Variants in RFPL4A observed in about 807,000 individuals in gnomAD.
RFPL4A encodes the protein ret finger protein like 4A.
A neutral mutation model predicts 8.3 loss-of-function variants in RFPL4A; 4 were observed. The observed-to-expected ratio is 0.48, with a 90% CI of 0.24 to 1.10. The LOEUF is 1.10. Ranked by LOEUF, RFPL4A falls within the 50% of genes least tolerant of loss-of-function variation. The pLI is 0.18. For missense variants in RFPL4A, 111 were observed against 358.7 expected (o/e 0.31, Z 5.58); for synonymous variants, 43 against 136.6 (o/e 0.31, Z 4.78).
At chr19:55,762,427 T>C (rs1989304719) in intron 2 of RFPL4A, among the ~76,000 whole-genome samples, 171 bp from the exon 3 acceptor site, 1 of 151,678 alleles carries the variant, frequency 6.6e-6, no homozygotes, top group Admixed American at 6.6e-5. Context: ...AACCTATAGA[T>C]ACAATTTAAC....
chr19:55,761,437 C>G lies in RFPL4A; in HGVS notation c.-9-355C>G, dbSNP rs375610307. Among the ~76,000 whole-genome samples the G allele has an allele frequency of 1.7e-5, 2 of 114,612 alleles. 1 individual carries two copies. Among genetic ancestry groups the G allele is most frequent in the African/African-American group, 6.0e-5 (2 of 33,066 alleles). The allele number at this position is 114,612 out of a possible 152,430, so 75.2% of individuals were successfully genotyped here. A position where few individuals can be genotyped will look rare whatever the true frequency, so the allele number is the denominator to read the frequency against. On this transcript the variant is annotated intron_variant, in intron 1 of 2. Coordinates refer to ENST00000434937, the MANE Select transcript of RFPL4A (RefSeq NM_001145014.2). ...CCCATTATGTCTTCAAAAATAAGAG[C>G]GTATTTGGCTCACAGCACATCTCCA...
In RFPL4A at chr19:55,762,848, G is replaced by T. The variant is rs114470138; in HGVS notation, c.537G>T (p.Val179=). 0.032 allele frequency: 45,917 copies of T among 1,449,212 alleles called. 8,806 individuals are homozygous for T. The highest frequency in any genetic ancestry group is 0.072 in the Middle Eastern group (414 of 5,752). 89.8% of individuals were successfully genotyped at this position (1,449,212 alleles called of 1,614,324 possible). A position where few individuals can be genotyped will look rare whatever the true frequency, so the allele number is the denominator to read the frequency against. ...CTGTGAACCGACAGGGGAAGATTGTGCTTTCTTCAGAACACGGCTTCTTGA... is the reference window on the plus strand; with the variant it reads ...CTGTGAACCGACAGGGGAAGATTGTTCTTTCTTCAGAACACGGCTTCTTGA... ...KESVNRQGKI[V]LSSEHGFLTV... Residue 179 remains valine (V), a synonymous_variant, in exon 3 of 3, where the codon GTG becomes GTT. Transcript: ENST00000434937.
At chr19:55,760,023 T>C (rs1047982306) in intron 1 of RFPL4A, among the ~76,000 whole-genome samples, 4 of 151,764 alleles carry the variant, frequency 2.6e-5, no homozygotes, top group Admixed American at 1.3e-4. Context: ...CAGATGTCTC[T>C]TTGACATGCT....
intron 2 of RFPL4A, among the ~76,000 whole-genome samples, 198 bp downstream of exon 2, chr19:55,762,284 A>C (rs1989301475): frequency 1.3e-5 from 2 of 150,736 alleles, no homozygotes; most frequent in African/African-American, 5.0e-5. Flanking sequence ...TTTGGAGAGC[A>C]AGCTCCTGTC....
chr19:55,760,627 T>A (rs1009106190), intron 1 of RFPL4A, among the ~76,000 whole-genome samples: 1 of 151,472 alleles, frequency 6.6e-6, no homozygotes, highest in African/African-American at 2.4e-5. Context: ...GCAGAATGTG[T>A]GATTTAGTGT....
chr19:55,760,247 T>C lies in RFPL4A; in HGVS notation c.-10+1072T>C, dbSNP rs183008724. 5.3e-5 allele frequency among the ~76,000 whole-genome samples: 8 copies of C among 151,682 alleles called. 1 individual carries two copies. In the East Asian group the frequency reaches 1.6e-3, roughly 30 times the overall value. On this transcript the variant is annotated intron_variant, in intron 1 of 2. Coordinates refer to ENST00000434937, the MANE Select transcript of RFPL4A (RefSeq NM_001145014.2). Reference sequence around the variant, plus strand: ...CATAGCCATCCTAGCAGAGAGGGGTTAATATCTCATCGCGGTTTTGTTGCT... The same window carrying C: ...CATAGCCATCCTAGCAGAGAGGGGTCAATATCTCATCGCGGTTTTGTTGCT...
At chr19:55,757,670 C>G (rs1453205218), upstream of RFPL4A, among the ~76,000 whole-genome samples, 1 of 152,080 alleles carries the variant, frequency 6.6e-6, no homozygotes, top group Non-Finnish European at 1.5e-5. Flanking sequence ...AAGTATCTAA[C>G]ACCCAAACCA....
chr19:55,759,699 A>ATTTTTTTTTTT (rs1568614250), intron 1 of RFPL4A, among the ~76,000 whole-genome samples: 1 of 151,314 alleles, frequency 6.6e-6, no homozygotes, highest in East Asian at 2.0e-4. Context: ...TATTTCTTTA[A>ATTTTTTTTTTT]TTGTTTTGAG....
rs548929578 is a variant in RFPL4A, at chr19:55,760,246, T to G, written c.-10+1071T>G. On this transcript the variant is annotated intron_variant, in intron 1 of 2. Coordinates refer to ENST00000434937, the MANE Select transcript of RFPL4A (RefSeq NM_001145014.2). ...TCATAGCCATCCTAGCAGAGAGGGG[T>G]TAATATCTCATCGCGGTTTTGTTGC... Among the ~76,000 whole-genome samples the G allele has an allele frequency of 3.2e-3, 480 of 151,362 alleles. 9 individuals are homozygous for G. The highest frequency in any genetic ancestry group is 0.01 in the African/African-American group (415 of 41,050).
At chr19:55,757,913 A>G (rs1412304234), upstream of RFPL4A, among the ~76,000 whole-genome samples, 1 of 152,090 alleles carries the variant, frequency 6.6e-6, no homozygotes, top group Admixed American at 6.5e-5. Context: ...ATAAAAATTA[A>G]AAGATGTGAG....
chr19:55,760,649 C>T (rs527981450), intron 1 of RFPL4A, among the ~76,000 whole-genome samples: 6 of 151,662 alleles, frequency 4.0e-5, no homozygotes, highest in East Asian at 2.0e-4. Context: ...ATAATGACCA[C>T]GGTCATTACT....
At chr19:55,760,032 C>G (rs1475190391) in intron 1 of RFPL4A, among the ~76,000 whole-genome samples, 1 of 151,646 alleles carries the variant, frequency 6.6e-6, no homozygotes, top group Non-Finnish European at 1.5e-5. Flanking sequence ...CTTTGACATG[C>G]TGACTTCTTT....
intron 1 of RFPL4A, among the ~76,000 whole-genome samples, chr19:55,761,103 G>A (rs563391985): frequency 1.1e-4 from 12 of 109,194 alleles, no homozygotes; most frequent in Admixed American, 4.0e-4. Flanking sequence ...TTTTTTTTCC[G>A]CTATGCAGAA....
upstream of RFPL4A, among the ~76,000 whole-genome samples, chr19:55,758,140 A>G (rs1336575696): frequency 2.7e-3 from 399 of 146,456 alleles, no homozygotes; most frequent in African/African-American, 5.6e-3. Context: ...ATAGGTCCCA[A>G]TCAATGAAGA....
At chr19:55,758,461 T>C (rs544738539), upstream of RFPL4A, among the ~76,000 whole-genome samples, 2 of 152,076 alleles carry the variant, frequency 1.3e-5, no homozygotes, top group East Asian at 1.9e-4. Flanking sequence ...TGAACATTTT[T>C]AAAGAGGAAA....
In RFPL4A at chr19:55,761,088, T is replaced by C. The variant is rs1989272211; in HGVS notation, c.-9-704T>C. Reference sequence around the variant, plus strand: ...TTTTCATTAGTTCTGGTTTTTCCTTTTTTTTTTTTTTTCCGCTATGCAGAA... The same window carrying C: ...TTTTCATTAGTTCTGGTTTTTCCTTCTTTTTTTTTTTTCCGCTATGCAGAA... On this transcript the variant is annotated intron_variant, in intron 1 of 2. Transcript: ENST00000434937. Among the ~76,000 whole-genome samples, 3 of 137,722 alleles carry C rather than the reference T, an allele frequency of 2.2e-5. 1 individual carries two copies. Among genetic ancestry groups the C allele is most frequent in the Admixed American group, 2.1e-4 (3 of 14,076 alleles). 90.4% of individuals were successfully genotyped at this position (137,722 alleles called of 152,430 possible).
Position 55,760,279 on chromosome 19 carries a change from C to T in RFPL4A, c.-10+1104C>T, listed in dbSNP as rs151090093. On this transcript the variant is annotated intron_variant, in intron 1 of 2. Transcript: ENST00000434937. Reference sequence around the variant, plus strand: ...TCATCGCGGTTTTGTTGCTGGAGGGCTCAGGAGGCTCTCTGGATGCCAGAG... The same window carrying T: ...TCATCGCGGTTTTGTTGCTGGAGGGTTCAGGAGGCTCTCTGGATGCCAGAG... 8.2e-3 allele frequency among the ~76,000 whole-genome samples: 1,236 copies of T among 151,594 alleles called. 37 individuals carry two copies. Among genetic ancestry groups the T allele is most frequent in the African/African-American group, 0.028 (1,152 of 41,200 alleles).
chr19:55,761,735 T>C, intron 1 of RFPL4A, 57 bp from the exon 2 acceptor site: 1 of 1,435,406 alleles, frequency 7.0e-7, no homozygotes, highest in Admixed American at 2.0e-5. Flanking sequence ...CCAAACACTA[T>C]CAGCTGTTCA....
Position 55,761,863 on chromosome 19 carries a change from C to T in RFPL4A, c.63C>T (p.Ala21=), listed in dbSNP as rs1045039182. The T allele has an allele frequency of 2.7e-5, 41 of 1,494,590 alleles. No individual in the cohort carries two copies. In the Admixed American group the frequency reaches 6.6e-4, roughly 24 times the overall value. 92.6% of individuals were successfully genotyped at this position (1,494,590 alleles called of 1,614,324 possible). Residue 21 remains alanine (A), a synonymous_variant, in exon 2 of 3, where the codon GCC becomes GCT. Transcript: ENST00000434937. ...TCTGTCTAAAAGATCTTGAAGAAGC[C>T]GTGCAACTGAAATGTGGATATGCCT... ...CPVCLKDLEE[A]VQLKCGYACC... is the part of the protein sequence containing the mutation.
Sources: allele counts gnomAD v4.1 joint callset (sites outside exome capture counted in the v4.1 genomes callset), GRCh38; gene constraint gnomAD v4.1.1; transcripts MANE v1.5; gene names NCBI Gene and HGNC (gene_info 2026-07-23, HGNC 2026-07-21).